Variants in TAFA1 observed in about 807,000 individuals in gnomAD.
TAFA1 encodes TAFA chemokine like family member 1.
In TAFA1, 4 loss-of-function variants were observed where a neutral mutation model predicts 18.5. The observed-to-expected ratio is 0.22, with a 90% CI of 0.11 to 0.49. The LOEUF (loss-of-function observed/expected upper bound fraction) is 0.49. Among genes scored for constraint, TAFA1 ranks in the 20% least tolerant of loss-of-function variants. TAFA1 has a pLI of 0.98. For missense variants in TAFA1, 147 were observed against 169.0 expected (o/e 0.87, Z 0.72); for synonymous variants, 56 against 55.2 (o/e 1.01, Z -0.06).
At chr3:68,075,227 G>T (rs546310991) in intron 2 of TAFA1, among the ~76,000 whole-genome samples, 1 of 152,136 alleles carries the variant, frequency 6.6e-6, no homozygotes, top group African/African-American at 2.4e-5. Context: ...TTGGCACCAG[G>T]GGTAAAATAA....
At chr3:68,182,008 AC>A (rs1487177084) in intron 2 of TAFA1, among the ~76,000 whole-genome samples, 1 of 152,102 alleles carries the variant, frequency 6.6e-6, no homozygotes, top group Admixed American at 6.5e-5. Context: ...GGAGCTTGAG[AC>A]CAGCCTGGGC....
At chr3:68,222,458 T>G (rs779729263) in intron 2 of TAFA1, among the ~76,000 whole-genome samples, 13 of 152,172 alleles carry the variant, frequency 8.5e-5, no homozygotes, top group Non-Finnish European at 1.3e-4. Flanking sequence ...CCCCTCCTCT[T>G]GCCTTCAGGG....
At chr3:68,149,284 G>A (rs1158389483) in intron 2 of TAFA1, among the ~76,000 whole-genome samples, 1 of 152,194 alleles carries the variant, frequency 6.6e-6, no homozygotes, top group African/African-American at 2.4e-5. Flanking sequence ...TAGAAACTCT[G>A]TTAGTCACTA....
intron 2 of TAFA1, among the ~76,000 whole-genome samples, chr3:68,180,788 G>C (rs1340104263): frequency 6.6e-6 from 1 of 152,088 alleles, no homozygotes; most frequent in African/African-American, 2.4e-5. Context: ...GACCCCTGAT[G>C]ATCCTCTCCT....
At chr3:68,276,158 A>G (rs1184391025) in intron 2 of TAFA1, among the ~76,000 whole-genome samples, 2 of 127,612 alleles carry the variant, frequency 1.6e-5, no homozygotes, top group African/African-American at 2.7e-5. Flanking sequence ...TAACCCAACT[A>G]AAAAAAAAAA....
intron 2 of TAFA1, among the ~76,000 whole-genome samples, chr3:68,014,436 A>G (rs1704531810): frequency 6.6e-6 from 1 of 152,220 alleles, no homozygotes; most frequent in South Asian, 2.1e-4. Context: ...TTTAAAAAAT[A>G]TCAAATGGTA....
chr3:68,105,151 C>G (rs758626323), intron 2 of TAFA1, among the ~76,000 whole-genome samples: 29 of 152,104 alleles, frequency 1.9e-4, no homozygotes, highest in Admixed American at 3.9e-4. Context: ...ACTGTGAGAA[C>G]AACACCAAGC....
At chr3:68,470,380 G>A (rs1162095594) in intron 3 of TAFA1, among the ~76,000 whole-genome samples, 1 of 152,182 alleles carries the variant, frequency 6.6e-6, no homozygotes, top group Non-Finnish European at 1.5e-5. Flanking sequence ...ACCCCAAAAT[G>A]TGGAAGCTAA....
intron 2 of TAFA1, among the ~76,000 whole-genome samples, chr3:68,354,081 G>A (rs566207942): frequency 5.8e-4 from 88 of 151,716 alleles, no homozygotes; most frequent in Non-Finnish European, 1.1e-3. Flanking sequence ...AGGGGTTTTC[G>A]TTCATTTTTT....
chr3:68,370,808 G>A (rs1226589113), intron 2 of TAFA1, among the ~76,000 whole-genome samples: 1 of 142,998 alleles, frequency 7.0e-6, no homozygotes. Context: ...TAATTGTCTG[G>A]ACTCATAATC....
rs79961039 is a variant in TAFA1 at position 68,278,933 on chromosome 3, T to C, written c.119-138347T>C. Among the ~76,000 whole-genome samples the C allele has an allele frequency of 0.012, 1,899 of 152,308 alleles. 86 individuals are homozygous for C. The East Asian group carries it at 0.15, about 12-fold the overall frequency. ...GTGCTTCCAAATTTTAATGTATATA[T>C]GAATCACTGGAGATTGTGTTCCAAT... On this transcript the variant is annotated intron_variant, in intron 2 of 4. Coordinates refer to ENST00000478136, the MANE Select transcript of TAFA1 (RefSeq NM_213609.4).
chr3:68,216,633 T>C (rs947318041), intron 2 of TAFA1, among the ~76,000 whole-genome samples: 10 of 152,088 alleles, frequency 6.6e-5, no homozygotes, highest in African/African-American at 2.2e-4. Context: ...TCCAATAGTA[T>C]GACTCAATTG....
chr3:68,498,231 T>C (rs2072586761), intron 3 of TAFA1, among the ~76,000 whole-genome samples: 1 of 152,156 alleles, frequency 6.6e-6, no homozygotes, highest in African/African-American at 2.4e-5. Flanking sequence ...ATGAAAAGTG[T>C]GAAAAGTATT....
At chr3:68,265,131 A>G (rs964342503) in intron 2 of TAFA1, among the ~76,000 whole-genome samples, 2 of 152,222 alleles carry the variant, frequency 1.3e-5, no homozygotes, top group Admixed American at 1.3e-4. Flanking sequence ...TTTTCACCTC[A>G]TCATGATTCT....
chr3:68,505,486 T>C (rs573788548), intron 3 of TAFA1, among the ~76,000 whole-genome samples: 3 of 152,244 alleles, frequency 2.0e-5, no homozygotes, highest in African/African-American at 4.8e-5. Flanking sequence ...TAACTCAAAA[T>C]GTTTGTGTGT....
chr3:68,272,750 A>C (rs1465589387), intron 2 of TAFA1, among the ~76,000 whole-genome samples: 1 of 152,158 alleles, frequency 6.6e-6, no homozygotes. Context: ...TTGTAAGGAC[A>C]TCCTAAATGG....
intron 2 of TAFA1, among the ~76,000 whole-genome samples, chr3:68,332,010 C>T (rs1306642511): frequency 6.6e-6 from 1 of 151,530 alleles, no homozygotes; most frequent in African/African-American, 2.4e-5. Flanking sequence ...ACTACAGGTG[C>T]CCGCCACCGC....
intron 2 of TAFA1, among the ~76,000 whole-genome samples, chr3:68,118,660 C>T (rs2065351700): frequency 6.6e-6 from 1 of 152,204 alleles, no homozygotes; most frequent in South Asian, 2.1e-4. Flanking sequence ...TTTCACGTAG[C>T]ATAATGTACT....
chr3:68,229,721 G>A (rs1176474699), intron 2 of TAFA1, among the ~76,000 whole-genome samples: 3 of 152,164 alleles, frequency 2.0e-5, no homozygotes, highest in African/African-American at 7.2e-5. Context: ...AGCTCTCAAT[G>A]TGCATTCATT....
Sources: allele counts gnomAD v4.1 joint callset (sites outside exome capture counted in the v4.1 genomes callset), GRCh38; gene constraint gnomAD v4.1.1; transcripts MANE v1.5; gene names NCBI Gene and HGNC (gene_info 2026-07-23, HGNC 2026-07-21).